The following DCHS2 variants were observed in gnomAD, a reference collection of about 807,000 sequenced individuals.
DCHS2 encodes the protein dachsous cadherin-related 2, also known as protocadherin-23.
In DCHS2, 142 loss-of-function variants were observed where a neutral mutation model predicts 182.4. That is an observed-to-expected ratio of 0.78 (90% CI 0.68 to 0.89). The LOEUF is 0.89. DCHS2 is among the 40% of genes least tolerant of loss of function. The pLI, the probability that DCHS2 is intolerant of heterozygous loss-of-function variation, is 0.00. For synonymous variants in DCHS2, 1,740 were observed against 1,663.3 expected, an observed-to-expected ratio of 1.05 and a Z score of -1.12; for missense variants, 4,319 against 4,198.6, an observed-to-expected ratio of 1.03 and a Z score of -0.79.
In DCHS2 at chr4:154,236,091, G is replaced by C. The variant is rs759109485; in HGVS notation, c.8561C>G (p.Ala2854Gly). The change falls in exon 20 of 20, where the codon GCC (alanine) becomes GGC (glycine). Residue 2854 changes from alanine (A) to glycine (G), a missense_variant. Coordinates refer to ENST00000357232, the MANE Select transcript of DCHS2 (RefSeq NM_001358235.2). Reference sequence around the variant, plus strand: ...GGCAGTTGCATCACCTTTGTCTTTGGCTTGGACTGTGAGGCAGTATTTATT... The same window carrying C: ...GGCAGTTGCATCACCTTTGTCTTTGCCTTGGACTGTGAGGCAGTATTTATT... Reference protein sequence around the residue: ...NGNKYCLTVQAKDKGDATASL... With the variant: ...NGNKYCLTVQGKDKGDATASL... 1 of 1,613,658 alleles carries C rather than the reference G, an allele frequency of 6.2e-7. No individual in the cohort carries two copies. The highest frequency in any genetic ancestry group is 1.7e-5 in the Admixed American group (1 of 59,984).
At chr4:154,247,529 C>T (rs983973252) in intron 16 of DCHS2, among the ~76,000 whole-genome samples, 1 of 151,310 alleles carries the variant, frequency 6.6e-6, no homozygotes, top group African/African-American at 2.4e-5. Context: ...GTAGTCCCAG[C>T]TACTTGAGAG....
At chr4:154,352,864 C>A (rs1345124717) in intron 3 of DCHS2, among the ~76,000 whole-genome samples, 1 of 152,060 alleles carries the variant, frequency 6.6e-6, no homozygotes, top group Non-Finnish European at 1.5e-5. Context: ...TCATGGAGGG[C>A]AGAAGACAAG....
At chr4:154,477,518 G>C (rs1735736955) in intron 1 of DCHS2, among the ~76,000 whole-genome samples, 1 of 152,342 alleles carries the variant, frequency 6.6e-6, no homozygotes, top group Non-Finnish European at 1.5e-5. Context: ...AGGCAGAATG[G>C]ATTAGATGTG....
chr4:154,444,776 T>C (rs1734200720), intron 1 of DCHS2, among the ~76,000 whole-genome samples: 1 of 152,216 alleles, frequency 6.6e-6, no homozygotes, highest in African/African-American at 2.4e-5. Context: ...GTTGTTGCTG[T>C]GGCCTACAAG....
chr4:154,286,776 G>A (rs1379884547), intron 13 of DCHS2, among the ~76,000 whole-genome samples: 4 of 152,088 alleles, frequency 2.6e-5, no homozygotes, highest in South Asian at 4.1e-4. Context: ...AGAGAAAGAG[G>A]TAAGAGTACA....
chr4:154,310,620 G>T (rs1735633029), intron 10 of DCHS2, among the ~76,000 whole-genome samples: 1 of 152,184 alleles, frequency 6.6e-6, no homozygotes, highest in South Asian at 2.1e-4. Flanking sequence ...CAGAATGGGT[G>T]CTGTTTTCTG....
intron 14 of DCHS2, among the ~76,000 whole-genome samples, chr4:154,260,566 C>T (rs1489657156): frequency 6.6e-6 from 1 of 152,156 alleles, no homozygotes; most frequent in Non-Finnish European, 1.5e-5. Context: ...TTCTTGAATG[C>T]TTATTAAAGA....
At chr4:154,262,821 C>T (rs188504149) in intron 14 of DCHS2, among the ~76,000 whole-genome samples, 1 of 152,148 alleles carries the variant, frequency 6.6e-6, no homozygotes, top group African/African-American at 2.4e-5. Flanking sequence ...TTTTGTTTTG[C>T]GCCACTCTAA....
intron 1 of DCHS2, among the ~76,000 whole-genome samples, chr4:154,472,081 G>A (rs1388557500): frequency 6.6e-6 from 1 of 152,178 alleles, no homozygotes; most frequent in Non-Finnish European, 1.5e-5. Flanking sequence ...TGGATTGCAA[G>A]AAGTTATTAA....
rs184630939 is a variant in DCHS2, at chr4:154,350,877, A to G, written c.2476+15333T>C. ...CAACAGCAATAGGTTAGTGTCCATT[A>G]AAAAGATGAGCTTTACAAAAGTGCA... On this transcript the variant is annotated intron_variant, in intron 3 of 19. Transcript: ENST00000357232. Among the ~76,000 whole-genome samples the G allele has an allele frequency of 3.9e-5, 6 of 152,330 alleles. No homozygotes were observed. The East Asian group carries it at 1.2e-3, about 29-fold the overall frequency.
At chr4:154,378,881 G>A (rs781017650) in intron 1 of DCHS2, among the ~76,000 whole-genome samples, 3 of 152,138 alleles carry the variant, frequency 2.0e-5, no homozygotes, top group Non-Finnish European at 2.9e-5. Context: ...GATGCAGAAT[G>A]TGCTAGATTA....
At chr4:154,283,259 T>TA (rs920552449) in intron 13 of DCHS2, among the ~76,000 whole-genome samples, 14 of 152,106 alleles carry the variant, frequency 9.2e-5, no homozygotes, top group Non-Finnish European at 1.3e-4. Context: ...TAAGGCTTTT[T>TA]AAAAAAATCA....
At chr4:154,333,638 A>G in intron 4 of DCHS2, 144 bp from the exon 5 acceptor site, 1 of 789,106 alleles carries the variant, frequency 1.3e-6, no homozygotes, top group South Asian at 1.9e-5. Flanking sequence ...TGGTTCCGTA[A>G]GATTCTGACA....
intron 16 of DCHS2, among the ~76,000 whole-genome samples, chr4:154,243,944 C>A (rs1001187197): frequency 6.6e-6 from 1 of 152,184 alleles, no homozygotes; most frequent in Non-Finnish European, 1.5e-5. Flanking sequence ...CTCTCCATGT[C>A]TCTAAGAGGT....
At chr4:154,483,856 T>C (rs1736016167) in intron 1 of DCHS2, among the ~76,000 whole-genome samples, 1 of 152,150 alleles carries the variant, frequency 6.6e-6, no homozygotes, top group South Asian at 2.1e-4. Context: ...AGCCATTGAC[T>C]CTTCTCCCAT....
At chr4:154,421,526 C>A (rs1166989362) in intron 1 of DCHS2, among the ~76,000 whole-genome samples, 1 of 152,144 alleles carries the variant, frequency 6.6e-6, no homozygotes, top group Non-Finnish European at 1.5e-5. Flanking sequence ...TCCTGAGTAG[C>A]TGGGATTACA....
intron 1 of DCHS2, among the ~76,000 whole-genome samples, chr4:154,476,463 G>T (rs1735685436): frequency 6.6e-6 from 1 of 152,176 alleles, no homozygotes; most frequent in African/African-American, 2.4e-5. Context: ...TTTATGGCAG[G>T]CATTTCAATG....
chr4:154,281,393 A>G (rs193285957), intron 13 of DCHS2, among the ~76,000 whole-genome samples: 8 of 152,304 alleles, frequency 5.3e-5, no homozygotes, highest in Non-Finnish European at 8.8e-5. Context: ...AACAATAAGC[A>G]ATCTGAAAAG....
chr4:154,400,796 C>T (rs1408973728), intron 1 of DCHS2, among the ~76,000 whole-genome samples: 1 of 152,160 alleles, frequency 6.6e-6, no homozygotes, highest in Non-Finnish European at 1.5e-5. Context: ...TCTTTTTTTA[C>T]CCTGTCCCCA....
Sources: allele counts gnomAD v4.1 joint callset (sites outside exome capture counted in the v4.1 genomes callset), GRCh38; gene constraint gnomAD v4.1.1; transcripts MANE v1.5; gene names NCBI Gene and HGNC (gene_info 2026-07-23, HGNC 2026-07-21).